The following TTLL11 variants were observed in gnomAD, a reference collection of about 807,000 sequenced individuals.
The protein encoded by TTLL11 is tubulin tyrosine ligase like 11, also known as tubulin polyglutamylase TTLL11.
A neutral mutation model predicts 51.7 loss-of-function variants in TTLL11; 42 were observed. The observed-to-expected ratio is 0.81, with a 90% CI of 0.64 to 1.05. The LOEUF is 1.05. TTLL11 is among the 50% of genes least tolerant of loss of function. The pLI, the probability that TTLL11 is intolerant of heterozygous loss-of-function variation, is 0.00. For synonymous variants in TTLL11, 381 were observed against 383.5 expected (o/e 0.99, Z 0.08); for missense variants, 799 against 940.4 (o/e 0.85, Z 1.97).
intron 1 of TTLL11, among the ~76,000 whole-genome samples, chr9:122,057,369 CTGG>C (rs1845317563): frequency 7.0e-6 from 1 of 142,322 alleles, no homozygotes; most frequent in African/African-American, 2.7e-5. Context: ...GTCACCCATG[CTGG>C]AGTGCACTGG....
At chr9:121,900,323 G>A (rs1486933547) in intron 6 of TTLL11, among the ~76,000 whole-genome samples, 1 of 152,214 alleles carries the variant, frequency 6.6e-6, no homozygotes, top group Non-Finnish European at 1.5e-5. Flanking sequence ...CTTGTGAATT[G>A]CATTGTTACT....
chr9:121,883,278 T>C (rs1474050778), intron 6 of TTLL11, among the ~76,000 whole-genome samples: 1 of 152,182 alleles, frequency 6.6e-6, no homozygotes, highest in Non-Finnish European at 1.5e-5. Context: ...AGATGGACGA[T>C]AGAATCCACT....
chr9:121,943,021 C>T (rs919086809), intron 6 of TTLL11, among the ~76,000 whole-genome samples: 30 of 152,106 alleles, frequency 2.0e-4, no homozygotes, highest in African/African-American at 6.8e-4. Flanking sequence ...CTGAAGGTCA[C>T]GTGGCATGTG....
At chr9:121,849,902 G>A (rs959987202) in intron 8 of TTLL11, among the ~76,000 whole-genome samples, 7 of 152,080 alleles carry the variant, frequency 4.6e-5, no homozygotes, top group Admixed American at 2.6e-4. Flanking sequence ...GCAGATACTC[G>A]AGTTCCTTAT....
chr9:121,939,885 G>A (rs756285593), intron 6 of TTLL11, among the ~76,000 whole-genome samples: 10 of 152,090 alleles, frequency 6.6e-5, no homozygotes, highest in Non-Finnish European at 1.2e-4. Context: ...GTATGCATTC[G>A]CTCAGCAAGG....
intron 8 of TTLL11, among the ~76,000 whole-genome samples, chr9:121,828,743 T>C (rs1836903007): frequency 6.6e-6 from 1 of 152,102 alleles, no homozygotes; most frequent in Admixed American, 6.5e-5. Flanking sequence ...ACCTGGGTGG[T>C]TGTTTTTGTT....
Position 121,833,291 on chromosome 9 carries a change from C to T in TTLL11, c.1841-10412G>A, listed in dbSNP as rs543421412. Among the ~76,000 whole-genome samples, 14 of 152,250 alleles carry T rather than the reference C, an allele frequency of 9.2e-5. No homozygotes were observed. In the East Asian group the frequency reaches 1.5e-3, roughly 17 times the overall value. ...AGACCGCCTCTTGGATATTAAGAGG[C>T]GGCCCCTGACAAACGATGGCCTCAT... is the stretch of plus-strand genomic sequence containing the variant. On this transcript the variant is annotated intron_variant, in intron 8 of 8. Transcript: ENST00000321582.
At chr9:121,831,970 G>A (rs1420838010) in intron 8 of TTLL11, among the ~76,000 whole-genome samples, 2 of 152,176 alleles carry the variant, frequency 1.3e-5, no homozygotes, top group African/African-American at 4.8e-5. Flanking sequence ...TCTCTTCCTG[G>A]TTTGCAGACG....
chr9:122,074,633 G>A (rs1176279102), intron 1 of TTLL11, among the ~76,000 whole-genome samples: 1 of 151,912 alleles, frequency 6.6e-6, no homozygotes, highest in East Asian at 1.9e-4. Context: ...TGGGCATTGT[G>A]GCTCACACCT....
chr9:121,926,079 G>A (rs531020862), intron 6 of TTLL11, among the ~76,000 whole-genome samples: 1 of 152,318 alleles, frequency 6.6e-6, no homozygotes, highest in African/African-American at 2.4e-5. Context: ...CTCTCGAGGG[G>A]TTTTTTAATC....
intron 6 of TTLL11, among the ~76,000 whole-genome samples, chr9:121,896,761 G>T (rs1839541308): frequency 6.6e-6 from 1 of 152,194 alleles, no homozygotes; most frequent in African/African-American, 2.4e-5. Flanking sequence ...AGAGGAACAG[G>T]CTGTTCCAGC....
intron 1 of TTLL11, among the ~76,000 whole-genome samples, chr9:122,072,459 C>T (rs1361878017): frequency 1.3e-5 from 2 of 152,054 alleles, no homozygotes; most frequent in African/African-American, 4.8e-5. Context: ...GCCTGGTCAA[C>T]ATGGTGAAAC....
intron 8 of TTLL11, among the ~76,000 whole-genome samples, chr9:121,833,625 CTAAGTGGCT>C (rs1588055870): frequency 1.3e-5 from 2 of 152,244 alleles, no homozygotes; most frequent in Admixed American, 6.5e-5. Context: ...CCCAGAGAGG[CTAAGTGGCT>C]TGTCAAGGTC....
chr9:121,945,024 A>G (rs1382025069), intron 6 of TTLL11, among the ~76,000 whole-genome samples: 1 of 152,222 alleles, frequency 6.6e-6, no homozygotes, highest in Non-Finnish European at 1.5e-5. Flanking sequence ...TTCTTCACTA[A>G]ATAAACTAGT....
chr9:121,870,098 T>G (rs1838305839), intron 7 of TTLL11, among the ~76,000 whole-genome samples: 1 of 152,160 alleles, frequency 6.6e-6, no homozygotes, highest in Admixed American at 6.5e-5. Context: ...ACTGACACTT[T>G]GGAAAGATGT....
intron 4 of TTLL11, among the ~76,000 whole-genome samples, chr9:121,977,854 T>C (rs1312405347): frequency 6.6e-6 from 1 of 152,052 alleles, no homozygotes; most frequent in East Asian, 1.9e-4. Context: ...TTTGTATTTT[T>C]AGTAGAGACG....
chr9:121,958,257 A>G lies in TTLL11; in HGVS notation c.1481+15752T>C, dbSNP rs193261320. On this transcript the variant is annotated intron_variant, in intron 6 of 8. Transcript: ENST00000321582. ...CGGAACTTGCTACTCCTTTCAGTCAACCCTTATCATTTCAGGCGAAGTAAG... is the reference window on the plus strand; with the variant it reads ...CGGAACTTGCTACTCCTTTCAGTCAGCCCTTATCATTTCAGGCGAAGTAAG... Among the ~76,000 whole-genome samples the G allele has an allele frequency of 6.4e-4, 97 of 152,294 alleles. No individual in the cohort carries two copies. In the Middle Eastern group the frequency reaches 0.014, roughly 21 times the overall value.
intron 8 of TTLL11, among the ~76,000 whole-genome samples, chr9:121,851,918 C>T (rs1033046177): frequency 6.6e-6 from 1 of 152,192 alleles, no homozygotes; most frequent in Admixed American, 6.5e-5. Context: ...GACCAAGGGC[C>T]AGACCATCCT....
At chr9:122,003,483 C>CTTTTTT (rs398012131) in intron 3 of TTLL11, among the ~76,000 whole-genome samples, 1 of 116,450 alleles carries the variant, frequency 8.6e-6, no homozygotes, top group African/African-American at 3.3e-5. Context: ...GCATACGTTC[C>CTTTTTT]TTTTTTTTTT....
Sources: gnomAD v4.1 joint callset for allele counts (sites outside exome capture counted in the v4.1 genomes callset) on GRCh38, gnomAD v4.1.1 for gene constraint, MANE v1.5 for transcripts, NCBI Gene and HGNC (gene_info 2026-07-23, HGNC 2026-07-21) for gene names.